ANKRD35: variants seen among roughly 807,000 people sequenced by gnomAD.
ANKRD35 encodes ankyrin repeat domain-containing protein 35.
Under a neutral mutation model 109.9 loss-of-function variants are expected in ANKRD35, and 102 were observed. The ratio of observed to expected loss-of-function variants is 0.93; its 90% confidence interval spans 0.79 to 1.09. ANKRD35 has a LOEUF of 1.09. ANKRD35 is among the 50% of genes least tolerant of loss of function. The probability of loss-of-function intolerance (pLI) is 0.00; values close to 1 mark genes in which losing one functional copy is unlikely to be tolerated. For synonymous variants in ANKRD35, 515 were observed against 512.4 expected (o/e 1.01, Z -0.07); for missense variants, 1,240 against 1,230.1 (o/e 1.01, Z -0.12).
rs371215963 is a variant in ANKRD35, at chr1:145,872,446, C to T, written c.2323G>A (p.Ala775Thr). The change falls in exon 10 of 14, where the codon GCA becomes ACA. Residue 775 changes from alanine to threonine, a missense_variant. By Grantham distance (58) the Ala-to-Thr change is moderately conservative (BLOSUM62 0). Coordinates refer to ENST00000355594, the MANE Select transcript of ANKRD35 (RefSeq NM_144698.5). The stretch of plus-strand genomic sequence containing the variant: ...TCCAGAGCGGCCACTTGGGGGGATG[C>T]TGGGGCCTTTAAGGAGGTGCCTGGC... The part of the protein sequence containing the change: ...REPGTSLKAP[A>T]SPQVAALEQD... 6.2e-7 allele frequency: 1 copy of T among 1,609,184 alleles called. No homozygotes were observed. Among genetic ancestry groups the T allele is most frequent in the Non-Finnish European group, 8.5e-7 (1 of 1,178,260 alleles).
intron 1 of ANKRD35, among the ~76,000 whole-genome samples, chr1:145,884,533 A>T (rs1654407847): frequency 6.6e-6 from 1 of 152,062 alleles, no homozygotes; most frequent in East Asian, 1.9e-4. Flanking sequence ...CGTAACCCCA[A>T]CCTCTACAGA....
intron 12 of ANKRD35, 111 bp downstream of exon 12, chr1:145,867,880 G>T: frequency 9.5e-7 from 1 of 1,053,698 alleles, no homozygotes; most frequent in South Asian, 1.3e-5. Context: ...CCAGCTTTCC[G>T]AGAAACAGCA....
At chr1:145,871,936 A>C (rs782208508) in intron 10 of ANKRD35, 46 bp downstream of exon 10, 2 of 1,597,274 alleles carry the variant, frequency 1.3e-6, no homozygotes, top group East Asian at 4.5e-5. Context: ...TCCCAAATAC[A>C]CAGAAACTTT....
intron 1 of ANKRD35, among the ~76,000 whole-genome samples, chr1:145,881,765 G>A (rs188298927): frequency 2.0e-5 from 3 of 152,104 alleles, no homozygotes; most frequent in African/African-American, 4.8e-5. Context: ...CATCTAGCTC[G>A]GTGTCTGTCA....
intron 10 of ANKRD35, among the ~76,000 whole-genome samples, chr1:145,871,149 TTTTC>T (rs1653799303): frequency 1.9e-5 from 1 of 53,218 alleles, no homozygotes; most frequent in South Asian, 8.5e-4. Context: ...TTCTTTTCTT[TTTTC>T]TTTTTTTTTT....
chr1:145,885,325 T>G (rs1314768212), intron 1 of ANKRD35, among the ~76,000 whole-genome samples: 4 of 151,846 alleles, frequency 2.6e-5, no homozygotes, highest in Non-Finnish European at 4.4e-5. Flanking sequence ...GGGGCATGAC[T>G]TGGTGGTGTA....
chr1:145,883,985 C>T lies in ANKRD35; in HGVS notation c.39+1735G>A, dbSNP rs191427861. 4.9e-4 allele frequency among the ~76,000 whole-genome samples: 74 copies of T among 152,268 alleles called. 1 individual carries two copies. The highest frequency in any genetic ancestry group is 1.7e-3 in the African/African-American group (71 of 41,554). ...AGAATGGGTGGTCATTCTTTATGGT[C>T]AAACCTCTGTACAGCTAGAATCAAG... On this transcript the variant is annotated intron_variant, in intron 1 of 13. Transcript: ENST00000355594.
intron 10 of ANKRD35, among the ~76,000 whole-genome samples, 172 bp downstream of exon 10, chr1:145,871,810 C>T (rs782147278): frequency 2.0e-5 from 3 of 152,156 alleles, no homozygotes; most frequent in African/African-American, 4.8e-5. Flanking sequence ...TCTCACCAAC[C>T]CCCTCAGACC....
At chr1:145,883,106 C>T (rs1446636298) in intron 1 of ANKRD35, among the ~76,000 whole-genome samples, 4 of 108,994 alleles carry the variant, frequency 3.7e-5, no homozygotes, top group African/African-American at 3.6e-5. Flanking sequence ...TTTTTTGAGA[C>T]GGAGTCTTGC....
intron 1 of ANKRD35, among the ~76,000 whole-genome samples, chr1:145,881,389 T>C (rs587599309): frequency 4.6e-5 from 7 of 152,332 alleles, no homozygotes; most frequent in African/African-American, 1.2e-4. Flanking sequence ...GGTTTACTTA[T>C]TTCCAGATAA....
At chr1:145,875,206 C>G (rs1397702403) in intron 7 of ANKRD35, among the ~76,000 whole-genome samples, 200 bp from the exon 8 acceptor site, 5 of 151,362 alleles carry the variant, frequency 3.3e-5, no homozygotes, top group Non-Finnish European at 7.4e-5. Context: ...AGTGCAATGG[C>G]ATGATCTCGG....
intron 1 of ANKRD35, among the ~76,000 whole-genome samples, chr1:145,879,879 G>A (rs1654223336): frequency 9.5e-6 from 1 of 105,688 alleles, no homozygotes; most frequent in African/African-American, 3.2e-5. Context: ...GTACATTAAG[G>A]CACCGAGCTT....
At chr1:145,880,265 C>T (rs1474179498) in intron 1 of ANKRD35, among the ~76,000 whole-genome samples, 2 of 152,058 alleles carry the variant, frequency 1.3e-5, no homozygotes, top group Non-Finnish European at 2.9e-5. Context: ...TAAAAACACC[C>T]AGGGCTGAAA....
Position 145,872,609 on chromosome 1 carries a change from G to A in ANKRD35, c.2160C>T (p.Ser720=), listed in dbSNP as rs1442136404. 5 of 1,613,680 alleles carry A rather than the reference G, an allele frequency of 3.1e-6. No homozygotes were observed. Among genetic ancestry groups the A allele is most frequent in the Non-Finnish European group, 4.2e-6 (5 of 1,179,888 alleles). Residue 720 remains serine (S), a synonymous_variant, in exon 10 of 14, where the codon AGC becomes AGT. Coordinates refer to ENST00000355594, the MANE Select transcript of ANKRD35 (RefSeq NM_144698.5). ...GCTCCTCCAGGGACTCCGCTGCTTT[G>A]CTTTGTGCACTCCTCTCGCCCACTA... is the stretch of plus-strand genomic sequence containing the variant. ...ADLVGERSAQ[S]KAAESLEELR... is the part of the protein sequence containing the mutation.
At chr1:145,884,736 T>G (rs1390332372) in intron 1 of ANKRD35, among the ~76,000 whole-genome samples, 1 of 286 alleles carries the variant, frequency 3.5e-3, no homozygotes, top group Admixed American at 0.036. Context: ...TTCCCCCACC[T>G]CAACCAAGGA....
At position 145,873,960 on chromosome 1, in the gene ANKRD35, C is replaced by T; in HGVS notation, c.809G>A (p.Gly270Asp). The T allele has an allele frequency of 6.2e-7, 1 of 1,614,086 alleles. No individual in the cohort carries two copies. ...SQASPSEPQA[G>D]SPPKSSWRAE... is the part of the protein sequence containing the mutation. ...TCTCCATGAGCTCTTAGGAGGAGAA[C>T]CTGCCTGGGGCTCAGATGGAGAGGC... The change falls in exon 10 of 14, where the codon GGT (glycine) becomes GAT (aspartate). Residue 270 changes from glycine to aspartate, a missense_variant. Coordinates refer to ENST00000355594, the MANE Select transcript of ANKRD35 (RefSeq NM_144698.5).
rs782298788 is a variant in ANKRD35 at position 145,878,059 on chromosome 1, G to T, written c.260-27C>A. On this transcript the variant is annotated intron_variant, in intron 3 of 13. Transcript: ENST00000355594. ...TGGAACAGAAAGAAGGGGAGAAGGA[G>T]GGTAGGTGGCCCCATGCATGCTGAT... The T allele has an allele frequency of 4.4e-6, 7 of 1,607,322 alleles. No homozygotes were observed. In the Admixed American group the frequency reaches 1.0e-4, roughly 23 times the overall value.
At chr1:145,878,829 C>T (rs1164188277) in intron 2 of ANKRD35, among the ~76,000 whole-genome samples, 5 of 152,188 alleles carry the variant, frequency 3.3e-5, no homozygotes, top group African/African-American at 9.7e-5. Flanking sequence ...GCTGGACATT[C>T]GAAGGCTTTG....
chr1:145,873,863 A>C lies in ANKRD35; in HGVS notation c.906T>G (p.Tyr302Ter), dbSNP rs149063609. The C allele has an allele frequency of 4.7e-4, 753 of 1,613,566 alleles. 1 individual carries two copies. The highest frequency in any genetic ancestry group is 5.6e-4 in the Non-Finnish European group (666 of 1,179,778). ...DPCSEEWRWK[Y>*]EEERRKVVRL... ...GAACAACTTTCCTCCGCTCCTCTTC[A>C]TACTTCCACCTCCACTCCTCCGAGC... The change falls in exon 10 of 14, where the codon TAT (tyrosine) becomes TAG (stop). Residue 302 changes from tyrosine (Y) to a stop codon, truncating the protein, a stop_gained. Coordinates refer to ENST00000355594, the MANE Select transcript of ANKRD35 (RefSeq NM_144698.5). LOFTEE classifies it high-confidence loss of function.
Sources: gnomAD v4.1 joint callset for allele counts (sites outside exome capture counted in the v4.1 genomes callset) on GRCh38, gnomAD v4.1.1 for gene constraint, MANE v1.5 for transcripts, NCBI Gene and HGNC (gene_info 2026-07-23, HGNC 2026-07-21) for gene names.